DSTYK: variants seen among roughly 807,000 people sequenced by gnomAD.
The protein encoded by DSTYK is dual serine/threonine and tyrosine protein kinase.
Under a neutral mutation model 98.7 loss-of-function variants are expected in DSTYK, and 34 were observed. The observed-to-expected ratio is 0.34, with a 90% CI of 0.26 to 0.46. The LOEUF is 0.46. Among genes scored for constraint, DSTYK ranks in the 20% least tolerant of loss-of-function variants. DSTYK has a pLI of 1.00. For missense variants in DSTYK, 962 were observed against 1,181.7 expected (o/e 0.81, Z 2.73); for synonymous variants, 462 against 457.3 (o/e 1.01, Z -0.13).
intron 2 of DSTYK, among the ~76,000 whole-genome samples, chr1:205,181,766 C>T (rs1658412917): frequency 6.6e-6 from 1 of 151,210 alleles, no homozygotes; most frequent in Non-Finnish European, 1.5e-5. Context: ...AATGCAGCCT[C>T]GACCTCCTGG....
Position 205,161,345 on chromosome 1 carries a change from G to T in DSTYK, c.1861C>A (p.Leu621Ile), listed in dbSNP as rs146470052. The change falls in exon 7 of 13, where the codon CTA becomes ATA. Residue 621 changes from leucine to isoleucine, a missense_variant. Transcript: ENST00000367162. ...TGATCTTTCCGAACCCTCAGCCATAGATCTTCCGTTTTCTCTAACCGGCCT... is the reference window on the plus strand; with the variant it reads ...TGATCTTTCCGAACCCTCAGCCATATATCTTCCGTTTTCTCTAACCGGCCT... ...HSGRLEKTED[L>I]WLRVRKDHAP... 2.6e-5 allele frequency: 42 copies of T among 1,614,080 alleles called. No homozygotes were observed. Among genetic ancestry groups the T allele is most frequent in the Non-Finnish European group, 3.3e-5 (39 of 1,180,016 alleles).
Position 205,211,566 on chromosome 1 carries a change from G to A in DSTYK, c.-31C>T, listed in dbSNP as rs566348344. The A allele has an allele frequency of 1.6e-5, 23 of 1,424,284 alleles. 1 individual carries two copies. The South Asian group carries it at 3.5e-4, about 22-fold the overall frequency. The allele number at this position is 1,424,284 out of a possible 1,614,324, so 88.2% of individuals were successfully genotyped here. On this transcript the variant is annotated 5_prime_UTR_variant, in exon 1 of 13. Coordinates refer to ENST00000367162, the MANE Select transcript of DSTYK (RefSeq NM_015375.3). Reference sequence around the variant, plus strand: ...CTGCCCGCTCTGTCTTTGCGGCTCGGTCCCCGGCCGCAGGCCCGGCCTCCC... The same window carrying A: ...CTGCCCGCTCTGTCTTTGCGGCTCGATCCCCGGCCGCAGGCCCGGCCTCCC...
In DSTYK at chr1:205,189,551, T is replaced by G. The variant is rs540091381; in HGVS notation, c.266-1745A>C. On this transcript the variant is annotated intron_variant, in intron 1 of 12. Coordinates refer to ENST00000367162, the MANE Select transcript of DSTYK (RefSeq NM_015375.3). ...TGCATTAAATTATTTGTAGGCCATT[T>G]ATTTTGTTTGTTTCCAGAATTGGAA... is the stretch of plus-strand genomic sequence containing the variant. Among the ~76,000 whole-genome samples the G allele has an allele frequency of 5.9e-5, 9 of 152,340 alleles. No individual in the cohort carries two copies. In the South Asian group the frequency reaches 1.9e-3, roughly 32 times the overall value.
chr1:205,176,276 A>G (rs999689635), intron 2 of DSTYK, among the ~76,000 whole-genome samples: 1 of 152,030 alleles, frequency 6.6e-6, no homozygotes, highest in Non-Finnish European at 1.5e-5. Flanking sequence ...TTGGGAGTTC[A>G]AGACCAGCCT....
At position 205,187,454 on chromosome 1, in the gene DSTYK, C is replaced by T. The variant is rs776032061; in HGVS notation, c.618G>A (p.Ala206=). 9.9e-6 allele frequency: 16 copies of T among 1,613,610 alleles called. No homozygotes were observed. Among genetic ancestry groups the T allele is most frequent in the Admixed American group, 6.7e-5 (4 of 59,982 alleles). Reference sequence around the variant, plus strand: ...CATGGTGCATCGTTACCTCCAGTTCCGCTAAAACATGAGCAGCATCCTCAT... The same window carrying T: ...CATGGTGCATCGTTACCTCCAGTTCTGCTAAAACATGAGCAGCATCCTCAT... The part of the protein sequence containing the change: ...ENNEDAAHVL[A]ELEVTMHHAL... The change falls in exon 2 of 13, where the codon GCG becomes GCA. Residue 206 remains alanine, a synonymous_variant. Coordinates refer to ENST00000367162, the MANE Select transcript of DSTYK (RefSeq NM_015375.3).
intron 2 of DSTYK, among the ~76,000 whole-genome samples, chr1:205,171,015 C>A (rs1235299984): frequency 1.4e-5 from 2 of 142,094 alleles, no homozygotes; most frequent in Non-Finnish European, 3.1e-5. Flanking sequence ...TAGCTTCAGA[C>A]TTCTTTCATG....
intron 1 of DSTYK, 39 bp downstream of exon 1, chr1:205,211,232 C>T: frequency 6.5e-7 from 1 of 1,545,330 alleles, no homozygotes. Context: ...CTCCGATTTG[C>T]CTCTCCTGCC....
intron 1 of DSTYK, among the ~76,000 whole-genome samples, chr1:205,199,757 C>A (rs542907474): frequency 4.3e-4 from 65 of 152,280 alleles, no homozygotes; most frequent in African/African-American, 1.5e-3. Context: ...AGGAAGCAAA[C>A]CCCGTCATCC....
chr1:205,189,864 CAG>C (rs1658660092), intron 1 of DSTYK, among the ~76,000 whole-genome samples: 1 of 152,154 alleles, frequency 6.6e-6, no homozygotes, highest in Non-Finnish European at 1.5e-5. Context: ...CAAAAACCAA[CAG>C]AGTTAACTAA....
Position 205,211,323 on chromosome 1 carries a change from G to A in DSTYK, c.213C>T (p.Gly71=). ...HTCLSSLTGG[G]GAERGPAGDV... ...CGCCTGCAGGGCCGCGCTCGGCCCC[G>A]CCGCCGCCCGTGAGGGAGGAGAGAC... The change falls in exon 1 of 13, where the codon GGC becomes GGT. Residue 71 remains glycine, a synonymous_variant. Transcript: ENST00000367162. The A allele has an allele frequency of 1.2e-6, 2 of 1,610,324 alleles. No homozygotes were observed. The highest frequency in any genetic ancestry group is 2.2e-5 in the South Asian group (2 of 90,564).
At chr1:205,148,662 G>A (rs1206272453) in intron 11 of DSTYK, among the ~76,000 whole-genome samples, 7 of 152,136 alleles carry the variant, frequency 4.6e-5, no homozygotes, top group Admixed American at 4.6e-4. Context: ...AATAAAGTTG[G>A]AAATACAGGT....
At chr1:205,166,888 G>C (rs1657905361) in intron 3 of DSTYK, among the ~76,000 whole-genome samples, 1 of 152,158 alleles carries the variant, frequency 6.6e-6, no homozygotes, top group African/African-American at 2.4e-5. Context: ...ATTCTCCAAA[G>C]ACGTACTGTA....
intron 1 of DSTYK, among the ~76,000 whole-genome samples, chr1:205,209,206 C>T (rs886962334): frequency 2.6e-5 from 4 of 152,198 alleles, no homozygotes; most frequent in African/African-American, 9.7e-5. Flanking sequence ...AATCAATTCT[C>T]TTTGTTTTAG....
At chr1:205,172,401 G>C (rs769564123) in intron 2 of DSTYK, among the ~76,000 whole-genome samples, 2 of 150,542 alleles carry the variant, frequency 1.3e-5, no homozygotes, top group Non-Finnish European at 3.0e-5. Context: ...CCAGGCTCAA[G>C]TGGTCCTCCC....
intron 1 of DSTYK, among the ~76,000 whole-genome samples, chr1:205,193,870 CAAA>C (rs61391440): frequency 5.1e-5 from 5 of 98,054 alleles, no homozygotes; most frequent in African/African-American, 4.1e-5. Flanking sequence ...GACTCCGTCT[CAAA>C]AAAAAAAAAA....
Position 205,161,307 on chromosome 1 carries a change from C to A in DSTYK, c.1899G>T (p.Leu633=). The change falls in exon 7 of 13, where the codon CTG becomes CTT. Residue 633 remains leucine (L), a synonymous_variant. Coordinates refer to ENST00000367162, the MANE Select transcript of DSTYK (RefSeq NM_015375.3). Reference sequence around the variant, plus strand: ...AACAGCTTTCCAGAGAAAGGCGGGCCAGGCGGGGAGCATGATCTTTCCGAA... The same window carrying A: ...AACAGCTTTCCAGAGAAAGGCGGGCAAGGCGGGGAGCATGATCTTTCCGAA... ...LRVRKDHAPR[L]ARLSLESCSL... is the part of the protein sequence containing the mutation. The A allele has an allele frequency of 6.2e-7, 1 of 1,614,158 alleles. No individual in the cohort carries two copies. Among genetic ancestry groups the A allele is most frequent in the Non-Finnish European group, 8.5e-7 (1 of 1,180,006 alleles).
chr1:205,209,587 T>C (rs1177400738), intron 1 of DSTYK, among the ~76,000 whole-genome samples: 1 of 152,072 alleles, frequency 6.6e-6, no homozygotes, highest in Admixed American at 6.5e-5. Flanking sequence ...TGGATAGGAA[T>C]TTAAAAAGCC....
At chr1:205,162,608 T>C (rs1657762267) in intron 5 of DSTYK, among the ~76,000 whole-genome samples, 1 of 152,186 alleles carries the variant, frequency 6.6e-6, no homozygotes, top group South Asian at 2.1e-4. Flanking sequence ...AAAAGAAATA[T>C]GAAGAAGCTA....
intron 1 of DSTYK, among the ~76,000 whole-genome samples, chr1:205,209,661 T>TATCCAAACCAACTAAATG (rs1558631493): frequency 1.5e-4 from 7 of 45,408 alleles, no homozygotes; most frequent in East Asian, 9.7e-4. Context: ...CTAGTTTTTC[T>TATCCAAACCAACTAAATG]GATACTGTCA....
Sources: allele counts gnomAD v4.1 joint callset (sites outside exome capture counted in the v4.1 genomes callset), GRCh38; gene constraint gnomAD v4.1.1; transcripts MANE v1.5; gene names NCBI Gene and HGNC (gene_info 2026-07-23, HGNC 2026-07-21).